Variants in PCDH11X observed in about 807,000 individuals in gnomAD.
PCDH11X encodes protocadherin 11 X-linked, also known as protocadherin-11 X-linked.
In PCDH11X, 18 loss-of-function variants were observed where a neutral mutation model predicts 53.3. The ratio of observed to expected loss-of-function variants is 0.34; its 90% confidence interval spans 0.23 to 0.50. The LOEUF is 0.50. Among genes scored for constraint, PCDH11X ranks in the 20% least tolerant of loss-of-function variants. The pLI, the probability that PCDH11X is intolerant of heterozygous loss-of-function variation, is 0.98. For synonymous variants in PCDH11X, 279 were observed against 393.3 expected (o/e 0.71, Z 3.44); for missense variants, 570 against 1,032.4 (o/e 0.55, Z 6.14).
At position 92,031,070 on chromosome X, in the gene PCDH11X, C is replaced by G. The variant is rs563899817; in HGVS notation, c.3033+151797C>G. Among the ~76,000 whole-genome samples the G allele has an allele frequency of 2.7e-5, 3 of 111,282 alleles. No individual in the cohort carries two copies. In the South Asian group the frequency reaches 1.1e-3, roughly 42 times the overall value. On this transcript the variant is annotated intron_variant, in intron 6 of 10. Coordinates refer to ENST00000682573, the MANE Select transcript of PCDH11X (RefSeq NM_032968.5). Reference sequence around the variant, plus strand: ...TTTTGAGGAACCTCCAAACTTTTCTCCATAGTGGTTGTACTAATTTACATT... The same window carrying G: ...TTTTGAGGAACCTCCAAACTTTTCTGCATAGTGGTTGTACTAATTTACATT...
chrX:92,319,397 A>C (rs1458855384), intron 8 of PCDH11X, among the ~76,000 whole-genome samples: 1 of 112,676 alleles, frequency 8.9e-6, no homozygotes, highest in Non-Finnish European at 1.9e-5. Context: ...GGTTTTAGAC[A>C]TTCAGTAAGA....
At chrX:92,397,379 G>T (rs781009242) in intron 9 of PCDH11X, among the ~76,000 whole-genome samples, 8 of 107,512 alleles carry the variant, frequency 7.4e-5, no homozygotes, top group Admixed American at 4.1e-4. Flanking sequence ...CTAACTGATT[G>T]TTCCATTTAA....
intron 5 of PCDH11X, among the ~76,000 whole-genome samples, chrX:91,875,597 A>ATTGT (rs1357353336): frequency 9.1e-6 from 1 of 109,679 alleles, no homozygotes; most frequent in Non-Finnish European, 1.9e-5. Flanking sequence ...GGCCGAGGGG[A>ATTGT]TTGTTTTTTA....
At chrX:92,234,135 TA>T (rs935174397) in intron 7 of PCDH11X, among the ~76,000 whole-genome samples, 10 of 112,316 alleles carry the variant, frequency 8.9e-5, no homozygotes, top group African/African-American at 3.2e-4. Context: ...GATGTTCTTT[TA>T]AAAAAATACA....
intron 7 of PCDH11X, among the ~76,000 whole-genome samples, chrX:92,238,503 A>T (rs1193249516): frequency 9.0e-6 from 1 of 110,943 alleles, no homozygotes; most frequent in African/African-American, 3.3e-5. Flanking sequence ...TTTAAGGAAA[A>T]AAACAACTAC....
At chrX:91,866,439 A>G (rs1180139340) in intron 5 of PCDH11X, among the ~76,000 whole-genome samples, 2 of 110,070 alleles carry the variant, frequency 1.8e-5, no homozygotes, top group African/African-American at 6.6e-5. Context: ...CCCACCAGAT[A>G]GGGCTGGTTT....
intron 9 of PCDH11X, among the ~76,000 whole-genome samples, chrX:92,422,300 T>C (rs2071989415): frequency 9.1e-6 from 1 of 109,834 alleles, no homozygotes; most frequent in East Asian, 2.9e-4. Context: ...TAGTCTTTTA[T>C]CCCTCACTCC....
At chrX:91,947,200 TG>T (rs780568422) in intron 6 of PCDH11X, among the ~76,000 whole-genome samples, 9 of 108,702 alleles carry the variant, frequency 8.3e-5, no homozygotes, top group South Asian at 8.0e-4. Flanking sequence ...AAGTTTGTGT[TG>T]GGGGGGTGCA....
intron 10 of PCDH11X, among the ~76,000 whole-genome samples, chrX:92,591,982 G>T (rs1017829264): frequency 9.8e-6 from 1 of 102,483 alleles, no homozygotes; most frequent in African/African-American, 3.6e-5. Flanking sequence ...CAGACTTTTT[G>T]AATTGAGTCG....
intron 8 of PCDH11X, among the ~76,000 whole-genome samples, chrX:92,281,171 G>A (rs2068243609): frequency 9.0e-6 from 1 of 111,491 alleles, no homozygotes; most frequent in Non-Finnish European, 1.9e-5. Context: ...TATCTCCACA[G>A]CAACTTAACC....
At chrX:92,167,750 G>A (rs1208268371) in intron 6 of PCDH11X, among the ~76,000 whole-genome samples, 1 of 111,087 alleles carries the variant, frequency 9.0e-6, no homozygotes, top group Non-Finnish European at 1.9e-5. Context: ...TGAGGGAATC[G>A]GCAAAATTTG....
At chrX:92,390,850 A>T (rs1209165070) in intron 9 of PCDH11X, among the ~76,000 whole-genome samples, 1 of 99,447 alleles carries the variant, frequency 1.0e-5, no homozygotes, top group Non-Finnish European at 2.0e-5. Flanking sequence ...CTGCTTTAAA[A>T]ATATAGTTCC....
intron 6 of PCDH11X, among the ~76,000 whole-genome samples, chrX:91,965,168 G>T (rs1418615168): frequency 9.0e-6 from 1 of 110,836 alleles, no homozygotes; most frequent in Non-Finnish European, 1.9e-5. Flanking sequence ...TTATTTTAAT[G>T]ACTTATAATG....
At chrX:92,053,955 C>G (rs1886339843) in intron 6 of PCDH11X, among the ~76,000 whole-genome samples, 1 of 111,641 alleles carries the variant, frequency 9.0e-6, no homozygotes, top group South Asian at 3.7e-4. Flanking sequence ...GTTCTCAGAA[C>G]TGTTATCCCC....
chrX:92,000,238 C>A (rs889933078), intron 6 of PCDH11X, among the ~76,000 whole-genome samples: 7 of 111,839 alleles, frequency 6.3e-5, no homozygotes, highest in Non-Finnish European at 1.3e-4. Context: ...GAGTCCAAAT[C>A]TTTAGTTCTT....
intron 6 of PCDH11X, among the ~76,000 whole-genome samples, chrX:92,048,867 A>G (rs766107952): frequency 8.0e-5 from 9 of 112,591 alleles, no homozygotes. Context: ...TTAGGAAGAC[A>G]TGAGACATCA....
At chrX:92,610,598 A>C (rs1399773242) in intron 10 of PCDH11X, among the ~76,000 whole-genome samples, 1 of 110,123 alleles carries the variant, frequency 9.1e-6, no homozygotes, top group Non-Finnish European at 1.9e-5. Flanking sequence ...CTTTAGTTTA[A>C]TTAGGTCCCA....
chrX:91,847,286 C>A (rs1317219062), intron 5 of PCDH11X, among the ~76,000 whole-genome samples: 3 of 110,773 alleles, frequency 2.7e-5, no homozygotes, highest in African/African-American at 9.9e-5. Context: ...CTGCCTCAGC[C>A]TCCTTAGAAG....
At chrX:92,466,367 A>T (rs891044555) in intron 9 of PCDH11X, among the ~76,000 whole-genome samples, 2 of 109,092 alleles carry the variant, frequency 1.8e-5, no homozygotes, top group East Asian at 5.7e-4. Context: ...AGATTTAGAG[A>T]TACATTTCAA....
Sources: gnomAD v4.1 joint callset for allele counts (sites outside exome capture counted in the v4.1 genomes callset) on GRCh38, gnomAD v4.1.1 for gene constraint, MANE v1.5 for transcripts, NCBI Gene and HGNC (gene_info 2026-07-23, HGNC 2026-07-21) for gene names.